The following CAMTA1 variants were observed in gnomAD, a reference collection of about 807,000 sequenced individuals.
The protein encoded by CAMTA1 is calmodulin-binding transcription activator 1.
A neutral mutation model predicts 170.9 loss-of-function variants in CAMTA1; 27 were observed. The observed-to-expected ratio is 0.16, with a 90% CI of 0.12 to 0.22. CAMTA1 has a LOEUF of 0.22. Among genes scored for constraint, CAMTA1 ranks in the 10% least tolerant of loss-of-function variants. The pLI is 1.00. For synonymous variants in CAMTA1, 833 were observed against 891.5 expected, an observed-to-expected ratio of 0.93 and a Z score of 1.17; for missense variants, 1,619 against 2,217.2, an observed-to-expected ratio of 0.73 and a Z score of 5.42.
rs2095980289 is a variant in CAMTA1 at position 7,663,720 on chromosome 1, G to A, written c.1173G>A (p.Gly391=). The change falls in exon 9 of 23, where the codon GGG becomes GGA. Residue 391 remains glycine (G), a synonymous_variant. Coordinates refer to ENST00000303635, the MANE Select transcript of CAMTA1 (RefSeq NM_015215.4). ...GTATGGCGGTGGCCTCTGTGATGGGGAGCTTGTCCCAGAGCGCCACGGTGT... is the reference window on the plus strand; with the variant it reads ...GTATGGCGGTGGCCTCTGTGATGGGAAGCTTGTCCCAGAGCGCCACGGTGT... ...VSGMAVASVM[G]SLSQSATVFM... 2.5e-6 allele frequency: 4 copies of A among 1,613,924 alleles called. No homozygotes were observed. Among genetic ancestry groups the A allele is most frequent in the African/African-American group, 2.7e-5 (2 of 74,908 alleles).
chr1:7,398,614 A>G (rs1292117858), intron 5 of CAMTA1, among the ~76,000 whole-genome samples: 2 of 152,080 alleles, frequency 1.3e-5, no homozygotes, highest in Non-Finnish European at 2.9e-5. Context: ...AATTTATTCC[A>G]TAAGTTGGTG....
intron 4 of CAMTA1, among the ~76,000 whole-genome samples, chr1:7,154,404 G>A (rs534391297): frequency 6.6e-6 from 1 of 152,080 alleles, no homozygotes; most frequent in Non-Finnish European, 1.5e-5. Context: ...TTGTGAGGTC[G>A]ATGGGGTTTA....
rs188996145 is a variant in CAMTA1, at chr1:7,537,075, G to A, written c.510+69174G>A. ...GTAGCAGCCTCTGAGCAGGCAGCAG[G>A]TGACATTCATCTGCAGCTGTGGGCT... On this transcript the variant is annotated intron_variant, in intron 6 of 22. Coordinates refer to ENST00000303635, the MANE Select transcript of CAMTA1 (RefSeq NM_015215.4). Among the ~76,000 whole-genome samples, 451 of 152,262 alleles carry A rather than the reference G, an allele frequency of 3.0e-3. 3 individuals carry two copies. The highest frequency in any genetic ancestry group is 9.6e-3 in the African/African-American group (400 of 41,554).
At position 7,268,444 on chromosome 1, in the gene CAMTA1, G is replaced by A. The variant is rs552599223; in HGVS notation, c.438+18818G>A. Reference sequence around the variant, plus strand: ...CACACAGAACTGGGAACCACTGTGAGCCAGAAGCTAAGACTTCTCAGAGCT... The same window carrying A: ...CACACAGAACTGGGAACCACTGTGAACCAGAAGCTAAGACTTCTCAGAGCT... On this transcript the variant is annotated intron_variant, in intron 5 of 22. Transcript: ENST00000303635. 2.8e-4 allele frequency among the ~76,000 whole-genome samples: 42 copies of A among 152,298 alleles called. 2 individuals are homozygous for A. The South Asian group carries it at 8.3e-3, about 30-fold the overall frequency.
In CAMTA1 at chr1:7,093,727, C is replaced by T. The variant is rs913244426; in HGVS notation, c.302+2356C>T. ...TGGAATATACATAGAGCCAAGAGAC[C>T]CCACCCCGAGGCACAGGGTGTGTGC... On this transcript the variant is annotated intron_variant, in intron 4 of 22. Transcript: ENST00000303635. This position sits in a 1 kb window ranked among gnomAD's most constrained non-coding sequence, Gnocchi z 4.6. 2.0e-5 allele frequency among the ~76,000 whole-genome samples: 3 copies of T among 152,066 alleles called. No individual in the cohort carries two copies. Among genetic ancestry groups the T allele is most frequent in the Admixed American group, 1.3e-4 (2 of 15,276 alleles).
intron 5 of CAMTA1, among the ~76,000 whole-genome samples, chr1:7,285,003 T>C (rs1672153833): frequency 6.6e-6 from 1 of 152,084 alleles, no homozygotes; most frequent in African/African-American, 2.4e-5. Flanking sequence ...GGGAAACCCA[T>C]TGGTTTCCAA....
intron 4 of CAMTA1, among the ~76,000 whole-genome samples, chr1:7,096,705 G>A (rs1642121126): frequency 6.6e-6 from 1 of 152,108 alleles, no homozygotes; most frequent in African/African-American, 2.4e-5. Context: ...TTTTCCCCCA[G>A]GTTCAGCTGT....
chr1:7,481,801 C>A (rs200169333), intron 6 of CAMTA1, among the ~76,000 whole-genome samples: 2 of 147,176 alleles, frequency 1.4e-5, no homozygotes, highest in South Asian at 2.2e-4. Context: ...GCATACAGTT[C>A]TTTTTTTTTT....
intron 5 of CAMTA1, among the ~76,000 whole-genome samples, chr1:7,438,655 A>G (rs1477815765): frequency 6.6e-6 from 1 of 152,146 alleles, no homozygotes; most frequent in Non-Finnish European, 1.5e-5. Context: ...TGTGGCCCCA[A>G]CATCTGTCTC....
chr1:7,764,626 G>GT (rs1186575733), intron 22 of CAMTA1, among the ~76,000 whole-genome samples: 1 of 152,098 alleles, frequency 6.6e-6, no homozygotes, highest in Non-Finnish European at 1.5e-5. Context: ...CTGATTACTG[G>GT]TTTTTTCACA....
rs186598457 is a variant in CAMTA1, at chr1:7,249,045, C to T, written c.303-446C>T. Among the ~76,000 whole-genome samples, 15 of 152,274 alleles carry T rather than the reference C, an allele frequency of 9.9e-5. No homozygotes were observed. Among genetic ancestry groups the T allele is most frequent in the Admixed American group, 7.8e-4 (12 of 15,296 alleles). ...GTCTGTTCTTAACATAGTCATCTAGCGTCTGCGTTAAACTTATTTATTTCC... is the reference window on the plus strand; with the variant it reads ...GTCTGTTCTTAACATAGTCATCTAGTGTCTGCGTTAAACTTATTTATTTCC... On this transcript the variant is annotated intron_variant, in intron 4 of 22. Coordinates refer to ENST00000303635, the MANE Select transcript of CAMTA1 (RefSeq NM_015215.4). The surrounding 1 kb of genome is among the most constrained non-coding windows in gnomAD (Gnocchi z 4.4).
intron 3 of CAMTA1, among the ~76,000 whole-genome samples, chr1:6,852,315 G>GT (rs1660712280): frequency 1.3e-5 from 2 of 151,988 alleles, no homozygotes; most frequent in South Asian, 2.1e-4. Flanking sequence ...AATGTGTAGG[G>GT]TTTTTTTCAT....
rs1320787488 is a variant in CAMTA1 at position 7,224,451 on chromosome 1, A to G, written c.303-25040A>G. On this transcript the variant is annotated intron_variant, in intron 4 of 22. Transcript: ENST00000303635. This position sits in a 1 kb window ranked among gnomAD's most constrained non-coding sequence, Gnocchi z 5.2. The stretch of plus-strand genomic sequence containing the variant: ...GCTGGCTGAATCTGAGAAGGTTTTC[A>G]TGTTCCCAACGAGATCCAAGAGCAA... Among the ~76,000 whole-genome samples the G allele has an allele frequency of 6.6e-6, 1 of 152,218 alleles. No homozygotes were observed. The highest frequency in any genetic ancestry group is 2.4e-5 in the African/African-American group (1 of 41,452).
chr1:7,421,050 C>G (rs531196329), intron 5 of CAMTA1, among the ~76,000 whole-genome samples: 4 of 152,234 alleles, frequency 2.6e-5, no homozygotes, highest in Non-Finnish European at 5.9e-5. Context: ...CTTCTGTGTC[C>G]TGGCTGTCTT....
chr1:7,688,715 C>A (rs544600215), intron 11 of CAMTA1, among the ~76,000 whole-genome samples: 1 of 152,308 alleles, frequency 6.6e-6, no homozygotes, highest in South Asian at 2.1e-4. Flanking sequence ...AGGACAAAGC[C>A]CTGTCCTTTC....
intron 6 of CAMTA1, among the ~76,000 whole-genome samples, chr1:7,560,136 G>A (rs943157223): frequency 6.6e-6 from 1 of 152,240 alleles, no homozygotes; most frequent in Non-Finnish European, 1.5e-5. Flanking sequence ...CAACTGTGGG[G>A]TGATTGTTCC....
chr1:7,514,813 T>C (rs1177349952), intron 6 of CAMTA1, among the ~76,000 whole-genome samples: 1 of 152,168 alleles, frequency 6.6e-6, no homozygotes, highest in East Asian at 1.9e-4. Flanking sequence ...GAATGTTCCA[T>C]TCGGGGCCCA....
At chr1:7,640,292 G>A (rs4072987) in intron 6 of CAMTA1, 108 bp from the exon 7 acceptor site, 6 of 1,211,506 alleles carry the variant, frequency 5.0e-6, no homozygotes, top group African/African-American at 1.5e-5. Flanking sequence ...CAAGAGAGCC[G>A]GGTGTCTGGG....
At chr1:7,600,899 G>C (rs886899710) in intron 6 of CAMTA1, among the ~76,000 whole-genome samples, 2 of 151,144 alleles carry the variant, frequency 1.3e-5, no homozygotes, top group Non-Finnish European at 3.0e-5. Context: ...CACAGACATG[G>C]CAACCATTAG....
Sources: gnomAD v4.1 joint callset for allele counts (sites outside exome capture counted in the v4.1 genomes callset) on GRCh38, gnomAD v4.1.1 for gene constraint, Gnocchi (gnomAD v3.1) non-coding constraint, MANE v1.5 for transcripts, NCBI Gene and HGNC (gene_info 2026-07-23, HGNC 2026-07-21) for gene names.